MDGA1: variants seen among roughly 807,000 people sequenced by gnomAD.
MDGA1 encodes MAM domain-containing glycosylphosphatidylinositol anchor protein 1.
Under a neutral mutation model 101.5 loss-of-function variants are expected in MDGA1, and 54 were observed. That is an observed-to-expected ratio of 0.53 (90% CI 0.43 to 0.67). MDGA1 has a LOEUF of 0.67. Ranked by LOEUF, MDGA1 falls within the 30% of genes least tolerant of loss-of-function variation. MDGA1 has a pLI of 0.00. For synonymous variants in MDGA1, 533 were observed against 558.3 expected, an observed-to-expected ratio of 0.95 and a Z score of 0.64; for missense variants, 1,083 against 1,323.8, an observed-to-expected ratio of 0.82 and a Z score of 2.82.
intron 1 of MDGA1, among the ~76,000 whole-genome samples, chr6:37,670,443 G>C (rs557980811): frequency 4.6e-5 from 7 of 152,218 alleles, no homozygotes; most frequent in Non-Finnish European, 1.0e-4. Context: ...GCCCTTCCCC[G>C]AGCATCCCCC....
intron 2 of MDGA1, among the ~76,000 whole-genome samples, chr6:37,662,665 T>G (rs1761653738): frequency 1.1e-5 from 1 of 89,342 alleles, no homozygotes; most frequent in Admixed American, 1.2e-4. Context: ...GGCCTCAGAG[T>G]CTGGCTAGAT....
At position 37,664,033 on chromosome 6, in the gene MDGA1, G is replaced by C; in HGVS notation, c.141C>G (p.Val47=). Residue 47 remains valine, a synonymous_variant, in exon 2 of 17, where the codon GTC becomes GTG. Coordinates refer to ENST00000434837, the MANE Select transcript of MDGA1 (RefSeq NM_153487.4). Reference sequence around the variant, plus strand: ...GGGTGTCCCCCTCCCGGATGGTGTAGACACGCTCGCTGATATTGTCCTCTT... The same window carrying C: ...GGGTGTCCCCCTCCCGGATGGTGTACACACGCTCGCTGATATTGTCCTCTT... ...VVKEDNISER[V]YTIREGDTLM... 6.2e-7 allele frequency: 1 copy of C among 1,613,990 alleles called. No individual in the cohort carries two copies. Among genetic ancestry groups the C allele is most frequent in the Non-Finnish European group, 8.5e-7 (1 of 1,179,880 alleles).
At chr6:37,657,476 A>T (rs1418890392) in intron 3 of MDGA1, among the ~76,000 whole-genome samples, 1 of 152,210 alleles carries the variant, frequency 6.6e-6, no homozygotes, top group Non-Finnish European at 1.5e-5. Flanking sequence ...ATAACCTAAG[A>T]AATGGCCCTC....
chr6:37,697,174 C>T lies in MDGA1; in HGVS notation c.-363G>A, dbSNP rs1581641160. 1 of 210,180 alleles carries T rather than the reference C, an allele frequency of 4.8e-6. No individual in the cohort carries two copies. The highest frequency in any genetic ancestry group is 9.3e-6 in the Non-Finnish European group (1 of 107,460). The allele number at this position is 210,180 out of a possible 1,614,324, so 13.0% of individuals were successfully genotyped here. On this transcript the variant is annotated 5_prime_UTR_variant, in exon 1 of 17. Transcript: ENST00000434837. ...GGGGACCTCTCGGCGGCGGAGGCGG[C>T]GCTTCGATCCAACAGGCCACGGACG...
intron 14 of MDGA1, chr6:37,643,128 C>T (rs4714089): frequency 0.54 from 82,158 of 151,998 alleles, 23,131 homozygotes; most frequent in South Asian, 0.7. Flanking sequence ...GGTAACACTT[C>T]CCTCATCTGG....
intron 9 of MDGA1, 143 bp downstream of exon 9, chr6:37,648,839 A>AAAGCGGGGCT: frequency 7.2e-7 from 1 of 1,383,888 alleles, no homozygotes; most frequent in African/African-American, 1.5e-5. Flanking sequence ...GGGTCTTGGA[A>AAAGCGGGGCT]AGGCCGGGGC....
chr6:37,641,385 T>C (rs1467245271), intron 14 of MDGA1, among the ~76,000 whole-genome samples: 1 of 152,058 alleles, frequency 6.6e-6, no homozygotes, highest in Admixed American at 6.6e-5. Context: ...GGAGGGGGCA[T>C]TGGTGTTGTC....
chr6:37,692,442 G>T (rs968754729), intron 1 of MDGA1, among the ~76,000 whole-genome samples: 5 of 151,634 alleles, frequency 3.3e-5, no homozygotes, highest in African/African-American at 9.7e-5. Context: ...GGGCAGGGGG[G>T]AGTGGCAGGG....
At chr6:37,680,870 G>A (rs113682183) in intron 1 of MDGA1, among the ~76,000 whole-genome samples, 2,477 of 152,348 alleles carry the variant, frequency 0.016, 65 homozygotes, top group African/African-American at 0.056. Flanking sequence ...GAGAGGCTCC[G>A]AGCAGGCGGC....
chr6:37,659,130 G>C (rs953873835), intron 2 of MDGA1, among the ~76,000 whole-genome samples: 1 of 152,112 alleles, frequency 6.6e-6, no homozygotes, highest in African/African-American at 2.4e-5. Context: ...AGATCCTCCA[G>C]TCTCAGTCAT....
intron 8 of MDGA1, 89 bp downstream of exon 8, chr6:37,650,019 TG>T: frequency 1.3e-6 from 2 of 1,519,526 alleles, no homozygotes; most frequent in African/African-American, 1.4e-5. Flanking sequence ...TTGGTTGGAC[TG>T]GGGTGGGTGA....
intron 10 of MDGA1, 101 bp downstream of exon 10, chr6:37,647,071 TA>T: frequency 9.0e-7 from 1 of 1,113,520 alleles, no homozygotes; most frequent in Non-Finnish European, 1.3e-6. Flanking sequence ...TCAACGTGTC[TA>T]AGCCCCATCT....
At chr6:37,656,683 G>A (rs1265692094) in intron 3 of MDGA1, among the ~76,000 whole-genome samples, 1 of 152,202 alleles carries the variant, frequency 6.6e-6, no homozygotes, top group Non-Finnish European at 1.5e-5. Flanking sequence ...AAGACAACAG[G>A]ACTTGATGCC....
In MDGA1 at chr6:37,696,762, CGGCAGT is replaced by C. The variant is rs1762428728; in HGVS notation, c.44_49del (p.His15_Cys16del). On this transcript the variant is annotated inframe_deletion, in exon 1 of 17. Coordinates refer to ENST00000434837, the MANE Select transcript of MDGA1 (RefSeq NM_153487.4). The surrounding 1 kb of genome is among the most constrained non-coding windows in gnomAD (Gnocchi z 5.6). ...GCTCTTACCGTAGACTCCTTGTCCC[CGGCAGT>C]GGAAGGGGATCAGCGCCAGAAGTAG... 1.9e-6 allele frequency: 3 copies of C among 1,583,878 alleles called. No individual in the cohort carries two copies. In the East Asian group the frequency reaches 6.9e-5, roughly 37 times the overall value.
intron 2 of MDGA1, among the ~76,000 whole-genome samples, chr6:37,661,461 G>T (rs1482718214): frequency 6.6e-6 from 1 of 152,156 alleles, no homozygotes; most frequent in Non-Finnish European, 1.5e-5. Context: ...TAGTCTGGAT[G>T]CTCCATGAGA....
At chr6:37,670,191 A>T (rs566835535) in intron 1 of MDGA1, among the ~76,000 whole-genome samples, 1 of 152,330 alleles carries the variant, frequency 6.6e-6, no homozygotes, top group African/African-American at 2.4e-5. Context: ...AATGCAATAT[A>T]TGTAAAACAC....
Position 37,658,251 on chromosome 6 carries a change from C to A in MDGA1, c.376G>T (p.Val126Leu), listed in dbSNP as rs1215500558. ...VPAIKSIRVDVQYLDEPMLTV... is the reference protein window; with the variant it reads ...VPAIKSIRVDLQYLDEPMLTV... ...AGAGGGGGCCTCAACTCACACTGCACGTCCACGCGGATGGACTTGATGGCC... is the reference window on the plus strand; with the variant it reads ...AGAGGGGGCCTCAACTCACACTGCAAGTCCACGCGGATGGACTTGATGGCC... Residue 126 changes from valine (V) to leucine (L), a missense_variant, in exon 3 of 17, where the codon GTG becomes TTG. Val to Leu is a conservative substitution (Grantham distance 32). Around this residue, in one of 3 missense-constraint regions of MDGA1, gnomAD observed 310 missense variants for 355.9 expected, o/e 0.87. Coordinates refer to ENST00000434837, the MANE Select transcript of MDGA1 (RefSeq NM_153487.4). 3 of 1,594,922 alleles carry A rather than the reference C, an allele frequency of 1.9e-6. No individual in the cohort carries two copies.
At chr6:37,663,709 G>A (rs1310229898) in intron 2 of MDGA1, among the ~76,000 whole-genome samples, 1 of 152,194 alleles carries the variant, frequency 6.6e-6, no homozygotes, top group African/African-American at 2.4e-5. Context: ...ACAGATCCGT[G>A]GAATGGAGTG....
chr6:37,638,372 G>A lies in MDGA1; in HGVS notation c.2668-59C>T. ...TGAGGAGGTTCTGCTGGGTACCAGA[G>A]TGCTCCCTCGACCCCACCTTTCCCC... On this transcript the variant is annotated intron_variant, in intron 15 of 16. Transcript: ENST00000434837. The surrounding 1 kb of genome is among the most constrained non-coding windows in gnomAD (Gnocchi z 4.8). 6.6e-7 allele frequency: 1 copy of A among 1,514,084 alleles called. No individual in the cohort carries two copies. The highest frequency in any genetic ancestry group is 9.0e-7 in the Non-Finnish European group (1 of 1,110,004). The allele number at this position is 1,514,084 out of a possible 1,614,324, so 93.8% of individuals were successfully genotyped here.
Sources: allele counts gnomAD v4.1 joint callset (sites outside exome capture counted in the v4.1 genomes callset), GRCh38; gene constraint gnomAD v4.1.1; regional missense constraint gnomAD v4.1.1; non-coding constraint Gnocchi (gnomAD v3.1); transcripts MANE v1.5; gene names NCBI Gene and HGNC (gene_info 2026-07-23, HGNC 2026-07-21).